STK24: variants seen among roughly 807,000 people sequenced by gnomAD.
STK24 encodes the protein serine/threonine kinase 24.
Under a neutral mutation model 55.6 loss-of-function variants are expected in STK24, and 21 were observed. The ratio of observed to expected loss-of-function variants is 0.38; its 90% confidence interval spans 0.27 to 0.54. The LOEUF (loss-of-function observed/expected upper bound fraction) is 0.54, where lower values mean the gene tolerates loss of function less well. Among genes scored for constraint, STK24 ranks in the 20% least tolerant of loss-of-function variants. STK24 has a pLI of 0.79. For missense variants in STK24, 383 were observed against 538.4 expected (o/e 0.71, Z 2.86); for synonymous variants, 200 against 215.2 (o/e 0.93, Z 0.62).
intron 1 of STK24, chr13:98,521,994 C>T: frequency 6.9e-7 from 1 of 1,441,214 alleles, no homozygotes; most frequent in African/African-American, 1.4e-5. Context: ...TCTCCCTAAC[C>T]CAAAGCCCTC....
In STK24 at chr13:98,452,025, G is replaced by C. The variant is rs1893219568; in HGVS notation, c.*1148C>G. The C allele has an allele frequency of 6.6e-6, 1 of 152,186 alleles. No homozygotes were observed. The highest frequency in any genetic ancestry group is 1.5e-5 in the Non-Finnish European group (1 of 68,104). 9.4% of individuals were successfully genotyped at this position (152,186 alleles called of 1,614,324 possible). A position where few individuals can be genotyped will look rare whatever the true frequency, so the allele number is the denominator to read the frequency against. ...TGACCTGGGCACTCGGCAGCTCCAG[G>C]CCTGGGGACTTCTCCCTGGAGTCTT... is the stretch of plus-strand genomic sequence containing the variant. On this transcript the variant is annotated 3_prime_UTR_variant, in exon 11 of 11. Coordinates refer to ENST00000539966, the MANE Select transcript of STK24 (RefSeq NM_001032296.4).
At chr13:98,534,385 G>A (rs1233364395) in intron 1 of STK24, among the ~76,000 whole-genome samples, 1 of 152,172 alleles carries the variant, frequency 6.6e-6, no homozygotes, top group African/African-American at 2.4e-5. Context: ...CCTGGGCATG[G>A]GCTGAACTAA....
At chr13:98,464,582 G>A (rs1054319872) in intron 6 of STK24, among the ~76,000 whole-genome samples, 3 of 135,788 alleles carry the variant, frequency 2.2e-5, no homozygotes, top group Non-Finnish European at 3.1e-5. Context: ...CTACAACCTC[G>A]CCTCCCCAGT....
rs1895934384 is a variant in STK24, at chr13:98,512,894, T to C, written c.273+6349A>G. On this transcript the variant is annotated intron_variant, in intron 2 of 10. Coordinates refer to ENST00000539966, the MANE Select transcript of STK24 (RefSeq NM_001032296.4). Reference sequence around the variant, plus strand: ...GGGCTCCCTCTCATCTGTGGTGTCTTCTGCTCAACTGTGGAAAGCAGGGTT... The same window carrying C: ...GGGCTCCCTCTCATCTGTGGTGTCTCCTGCTCAACTGTGGAAAGCAGGGTT... Among the ~76,000 whole-genome samples, 8 of 152,314 alleles carry C rather than the reference T, an allele frequency of 5.3e-5. No individual in the cohort carries two copies. In the South Asian group the frequency reaches 1.5e-3, roughly 28 times the overall value.
chr13:98,520,880 G>A (rs1896237699), intron 1 of STK24, among the ~76,000 whole-genome samples: 2 of 152,240 alleles, frequency 1.3e-5, no homozygotes, highest in Admixed American at 1.3e-4. Context: ...GCACACAGGG[G>A]CGCAGAGCCC....
At chr13:98,456,956 G>A in intron 10 of STK24, 1 of 640,582 alleles carries the variant, frequency 1.6e-6, no homozygotes. Flanking sequence ...AAGTCCTGTG[G>A]GCTTTCCAGT....
At chr13:98,531,267 G>C (rs762130477) in intron 1 of STK24, among the ~76,000 whole-genome samples, 4 of 152,008 alleles carry the variant, frequency 2.6e-5, no homozygotes, top group Non-Finnish European at 5.9e-5. Flanking sequence ...AAATCAAGCT[G>C]TCCTTTTTAT....
intron 1 of STK24, among the ~76,000 whole-genome samples, chr13:98,534,776 C>T (rs569546278): frequency 6.6e-6 from 1 of 152,278 alleles, no homozygotes; most frequent in Admixed American, 6.5e-5. Flanking sequence ...CATCTCCGAC[C>T]CAACCAATCA....
At chr13:98,507,890 C>A (rs1895751279) in intron 2 of STK24, among the ~76,000 whole-genome samples, 1 of 152,176 alleles carries the variant, frequency 6.6e-6, no homozygotes, top group African/African-American at 2.4e-5. Flanking sequence ...CATTGCAGAT[C>A]TCTTCCCCCA....
At chr13:98,558,736 A>G (rs927534434) in intron 1 of STK24, among the ~76,000 whole-genome samples, 1 of 152,108 alleles carries the variant, frequency 6.6e-6, no homozygotes, top group African/African-American at 2.4e-5. Flanking sequence ...CTAACCAACA[A>G]AGTTACAAGT....
rs71292876 is a variant in STK24 at position 98,461,054 on chromosome 13, AAGAGAGAGAGAG to A, written c.1054-626_1054-615del. 2.8e-5 allele frequency among the ~76,000 whole-genome samples: 4 copies of A among 143,664 alleles called. No homozygotes were observed. In the Admixed American group the frequency reaches 2.8e-4, roughly 10 times the overall value. 94.2% of individuals were successfully genotyped at this position (143,664 alleles called of 152,430 possible). On this transcript the variant is annotated intron_variant, in intron 8 of 10. Coordinates refer to ENST00000539966, the MANE Select transcript of STK24 (RefSeq NM_001032296.4). ...CAGAGACCCCGTCTCAAAAAAAAAA[AAGAGAGAGAGAG>A]AGAGAGAGAGAAAAGTACTTTACTA...
At chr13:98,497,508 G>A (rs1566369433) in intron 2 of STK24, among the ~76,000 whole-genome samples, 1 of 152,194 alleles carries the variant, frequency 6.6e-6, no homozygotes, top group African/African-American at 2.4e-5. Flanking sequence ...AGGACGCCAT[G>A]AAAGAGAGGT....
chr13:98,463,840 G>C lies in STK24; in HGVS notation c.784-4C>G. 6.2e-7 allele frequency: 1 copy of C among 1,610,724 alleles called. No homozygotes were observed. The highest frequency in any genetic ancestry group is 2.2e-5 in the East Asian group (1 of 44,798). On this transcript the variant is annotated splice_polypyrimidine_tract_variant and splice_region_variant and intron_variant, in intron 6 of 10. Coordinates refer to ENST00000539966, the MANE Select transcript of STK24 (RefSeq NM_001032296.4). ...ATAACTCCTTAGCAGTGGGTCTCTG[G>C]AAAAACACACCCAACAATTAAAGTA...
Position 98,513,360 on chromosome 13 carries a change from A to G in STK24, c.273+5883T>C, listed in dbSNP as rs74510529. Among the ~76,000 whole-genome samples the G allele has an allele frequency of 7.5e-3, 1,139 of 152,348 alleles. 22 individuals are homozygous for G. The highest frequency in any genetic ancestry group is 0.027 in the African/African-American group (1,106 of 41,582). On this transcript the variant is annotated intron_variant, in intron 2 of 10. Coordinates refer to ENST00000539966, the MANE Select transcript of STK24 (RefSeq NM_001032296.4). ...GTTCATTCCACGCAGCAGTTTTTCA[A>G]CAGTGGCACTGTGGACATTCGGGCT... is the stretch of plus-strand genomic sequence containing the variant.
rs1234493275 is a variant in STK24, at chr13:98,525,469, C to T, written c.43-5996G>A. On this transcript the variant is annotated intron_variant, in intron 1 of 10. Transcript: ENST00000539966. Reference sequence around the variant, plus strand: ...TCCCCAACATTCCCCTCCAAAGTCACCTCCCCTAGGGCAAGAAGACTAGGG... The same window carrying T: ...TCCCCAACATTCCCCTCCAAAGTCATCTCCCCTAGGGCAAGAAGACTAGGG... Among the ~76,000 whole-genome samples, 2 of 152,214 alleles carry T rather than the reference C, an allele frequency of 1.3e-5. 1 individual carries two copies. Among genetic ancestry groups the T allele is most frequent in the Admixed American group, 1.3e-4 (2 of 15,286 alleles).
intron 1 of STK24, among the ~76,000 whole-genome samples, chr13:98,550,945 C>T (rs943194194): frequency 6.6e-6 from 1 of 151,286 alleles, no homozygotes; most frequent in Non-Finnish European, 1.5e-5. Flanking sequence ...AGATTAAGTT[C>T]AACTTAAAAA....
chr13:98,555,527 C>T (rs1897265864), intron 1 of STK24, among the ~76,000 whole-genome samples: 2 of 150,752 alleles, frequency 1.3e-5, no homozygotes, highest in South Asian at 2.1e-4. Flanking sequence ...TGCAGTGAGC[C>T]GAGATCGCAC....
At chr13:98,528,624 G>A (rs564680180) in intron 1 of STK24, among the ~76,000 whole-genome samples, 2 of 152,114 alleles carry the variant, frequency 1.3e-5, no homozygotes, top group Non-Finnish European at 2.9e-5. Flanking sequence ...TATGATGACT[G>A]AAGTATTTTA....
At chr13:98,543,146 G>C (rs987739928) in intron 1 of STK24, 1 of 401,860 alleles carries the variant, frequency 2.5e-6, no homozygotes, top group African/African-American at 2.2e-5. Flanking sequence ...TACAGCTTCG[G>C]GAAAATCCTC....
Sources: allele counts gnomAD v4.1 joint callset (sites outside exome capture counted in the v4.1 genomes callset), GRCh38; gene constraint gnomAD v4.1.1; transcripts MANE v1.5; gene names NCBI Gene and HGNC (gene_info 2026-07-23, HGNC 2026-07-21).